Variants in TOGARAM1 observed in about 807,000 individuals in gnomAD.
TOGARAM1 encodes TOG array regulator of axonemal microtubules protein 1.
Under a neutral mutation model 166.6 loss-of-function variants are expected in TOGARAM1, and 100 were observed. That is an observed-to-expected ratio of 0.60 (90% CI 0.51 to 0.71). The LOEUF is 0.71. Ranked by LOEUF, TOGARAM1 falls within the 30% of genes least tolerant of loss-of-function variation. The pLI, the probability that TOGARAM1 is intolerant of heterozygous loss-of-function variation, is 0.00. For synonymous variants in TOGARAM1, 758 were observed against 763.8 expected, an observed-to-expected ratio of 0.99 and a Z score of 0.13; for missense variants, 2,029 against 2,102.7, an observed-to-expected ratio of 0.96 and a Z score of 0.69.
At chr14:44,995,698 C>A in intron 1 of TOGARAM1, 48 bp from the exon 2 acceptor site, 1 of 1,316,724 alleles carries the variant, frequency 7.6e-7, no homozygotes, top group Non-Finnish European at 1.0e-6. Flanking sequence ...TATTTATTAC[C>A]AGGAAGAATT....
At chr14:45,061,410 G>T (rs1319312119) in intron 16 of TOGARAM1, among the ~76,000 whole-genome samples, 1 of 152,134 alleles carries the variant, frequency 6.6e-6, no homozygotes, top group East Asian at 1.9e-4. Context: ...GTGCTGGTTA[G>T]AATATCAAAT....
At chr14:45,009,736 A>G (rs1390628098) in intron 6 of TOGARAM1, among the ~76,000 whole-genome samples, 1 of 152,158 alleles carries the variant, frequency 6.6e-6, no homozygotes, top group Non-Finnish European at 1.5e-5. Flanking sequence ...ACTTTTTCAG[A>G]TTACTTCTGT....
intron 1 of TOGARAM1, among the ~76,000 whole-genome samples, chr14:44,969,150 CTTTCTTTCT>C (rs759615992): frequency 1.1e-4 from 14 of 130,052 alleles, no homozygotes; most frequent in African/African-American, 1.6e-4. Context: ...TCCTTCCTTT[CTTTCTTTCT>C]TTTCTTTCTT....
chr14:45,046,655 T>C lies in TOGARAM1; in HGVS notation c.4265T>C (p.Ile1422Thr). Residue 1422 changes from isoleucine to threonine, a missense_variant, in exon 14 of 20, where the codon ATA becomes ACA. By Grantham distance (89) the Ile-to-Thr change is moderately conservative. This residue lies in a region of TOGARAM1 where 576 missense variants were observed against 670.5 expected (regional missense o/e 0.86). Transcript: ENST00000361462. ...GCAGCAAAGGATATGGCTGAACGCA[T>C]ATTACCAGCTGCTGCTAAGTTTGCT... ...LSAAKDMAERILPAAAKFAQD... is the reference protein window; with the variant it reads ...LSAAKDMAERTLPAAAKFAQD... The C allele has an allele frequency of 1.5e-6, 2 of 1,345,586 alleles. No homozygotes were observed. The highest frequency in any genetic ancestry group is 1.9e-6 in the Non-Finnish European group (2 of 1,040,662). 83.4% of individuals were successfully genotyped at this position (1,345,586 alleles called of 1,614,324 possible).
At chr14:45,050,955 A>G (rs1004033999) in intron 14 of TOGARAM1, among the ~76,000 whole-genome samples, 1 of 152,118 alleles carries the variant, frequency 6.6e-6, no homozygotes, top group Non-Finnish European at 1.5e-5. Flanking sequence ...CCAAGTTGTG[A>G]GTAAAAGTGT....
At chr14:45,032,090 G>A (rs1223301498) in intron 10 of TOGARAM1, 133 bp from the exon 11 acceptor site, 2 of 698,272 alleles carry the variant, frequency 2.9e-6, no homozygotes, top group African/African-American at 1.8e-5. Flanking sequence ...AAGCAGGGAA[G>A]TGGAGGTTGC....
At chr14:45,007,426 T>C (rs1879517894) in intron 5 of TOGARAM1, 1 of 152,034 alleles carries the variant, frequency 6.6e-6, no homozygotes, top group African/African-American at 2.4e-5. Context: ...ACATAACTTA[T>C]AAATTTCACC....
intron 1 of TOGARAM1, among the ~76,000 whole-genome samples, chr14:44,976,943 G>A (rs148593600): frequency 6.6e-6 from 1 of 152,160 alleles, no homozygotes; most frequent in Non-Finnish European, 1.5e-5. Flanking sequence ...CTAAAAATTA[G>A]TATTTTAAAA....
intron 11 of TOGARAM1, among the ~76,000 whole-genome samples, chr14:45,036,602 A>C (rs780484927): frequency 9.8e-5 from 15 of 152,368 alleles, no homozygotes; most frequent in Middle Eastern, 3.4e-3. Context: ...CCACAAACTC[A>C]GTGGATTCAA....
At chr14:45,072,743 A>G (rs555642468) in intron 19 of TOGARAM1, among the ~76,000 whole-genome samples, 6 of 152,152 alleles carry the variant, frequency 3.9e-5, no homozygotes, top group Non-Finnish European at 8.8e-5. Context: ...GGAACTTCTA[A>G]GCAAACATAA....
chr14:45,044,612 G>A (rs774992932), intron 12 of TOGARAM1, 23 bp from the exon 13 acceptor site: 51 of 1,519,492 alleles, frequency 3.4e-5, no homozygotes, highest in Non-Finnish European at 4.0e-5. Flanking sequence ...TCAGCAAAAT[G>A]TACATTTTGA....
At chr14:45,048,838 G>A (rs960848003) in intron 14 of TOGARAM1, among the ~76,000 whole-genome samples, 26 of 151,910 alleles carry the variant, frequency 1.7e-4, no homozygotes, top group Admixed American at 1.4e-3. Flanking sequence ...TTAGCTGGGC[G>A]TGGTGGCGTG....
In TOGARAM1 at chr14:45,045,628, TATATATATAC is replaced by T. The variant is rs368974461; in HGVS notation, c.4154+776_4154+785del. ...GTGTGTGTGTGTGTGTATATATATGTATATATATACATATATATACATATATACACACATA... is the reference window on the plus strand; with the variant it reads ...GTGTGTGTGTGTGTGTATATATATGTATATATATACATATATACACACATA... On this transcript the variant is annotated intron_variant, in intron 13 of 19. Coordinates refer to ENST00000361462, the MANE Select transcript of TOGARAM1 (RefSeq NM_001308120.2). 1.8e-3 allele frequency among the ~76,000 whole-genome samples: 215 copies of T among 117,552 alleles called. 1 individual carries two copies. In the South Asian group the frequency reaches 0.023, roughly 12 times the overall value. 77.1% of individuals were successfully genotyped at this position (117,552 alleles called of 152,430 possible).
At chr14:45,009,407 T>A (rs188245547) in intron 6 of TOGARAM1, among the ~76,000 whole-genome samples, 2 of 152,288 alleles carry the variant, frequency 1.3e-5, no homozygotes, top group Admixed American at 1.3e-4. Context: ...CCCTAGTTGT[T>A]CTTTTTGTCT....
chr14:45,024,586 T>C (rs1235828484), intron 7 of TOGARAM1, among the ~76,000 whole-genome samples: 4 of 152,234 alleles, frequency 2.6e-5, no homozygotes, highest in Non-Finnish European at 4.4e-5. Flanking sequence ...TCTTGATAGT[T>C]TATGTATAGA....
chr14:45,023,717 A>C (rs866324087), intron 7 of TOGARAM1, among the ~76,000 whole-genome samples: 49 of 152,204 alleles, frequency 3.2e-4, no homozygotes, highest in African/African-American at 1.1e-3. Context: ...TGTTTTCTAC[A>C]GAACAGAGTT....
In TOGARAM1 at chr14:45,068,445, C is replaced by T; in HGVS notation, c.4771C>T (p.Arg1591Ter). 6.2e-7 allele frequency: 1 copy of T among 1,607,702 alleles called. No individual in the cohort carries two copies. The highest frequency in any genetic ancestry group is 8.5e-7 in the Non-Finnish European group (1 of 1,177,642). ...TCAGATTTTTGATGCTTTTAAATCTCGACTTCATGATTCTAATAGTAAAGT... is the reference window on the plus strand; with the variant it reads ...TCAGATTTTTGATGCTTTTAAATCTTGACTTCATGATTCTAATAGTAAAGT... ...IVKIFDAFKS[R>*]LHDSNSKVNL... The change falls in exon 18 of 20, where the codon CGA (arginine) becomes TGA (stop). Residue 1591 changes from arginine (R) to a stop codon, truncating the protein, a stop_gained. Transcript: ENST00000361462. LOFTEE classifies it high-confidence loss of function.
chr14:45,034,359 A>C (rs1448479874), intron 11 of TOGARAM1, among the ~76,000 whole-genome samples: 2 of 152,102 alleles, frequency 1.3e-5, no homozygotes, highest in African/African-American at 2.4e-5. Flanking sequence ...CATGGTGCTG[A>C]GAGTTTGAGG....
chr14:45,054,778 G>A (rs1293280554), intron 16 of TOGARAM1, among the ~76,000 whole-genome samples: 2 of 152,126 alleles, frequency 1.3e-5, no homozygotes, highest in Non-Finnish European at 2.9e-5. Flanking sequence ...TAGTGTTATT[G>A]AACTGGTCGA....
Sources: allele counts gnomAD v4.1 joint callset (sites outside exome capture counted in the v4.1 genomes callset), GRCh38; gene constraint gnomAD v4.1.1; regional missense constraint gnomAD v4.1.1; transcripts MANE v1.5; gene names NCBI Gene and HGNC (gene_info 2026-07-23, HGNC 2026-07-21).